Variants in CCSER1 observed in about 807,000 individuals in gnomAD.
CCSER1 encodes the protein serine-rich coiled-coil domain-containing protein 1.
A neutral mutation model predicts 82.0 loss-of-function variants in CCSER1; 41 were observed. That is an observed-to-expected ratio of 0.50 (90% CI 0.39 to 0.65). The LOEUF is 0.65. CCSER1 is among the 30% of genes least tolerant of loss of function. The pLI is 0.00. For missense variants in CCSER1, 1,119 were observed against 1,064.2 expected, an observed-to-expected ratio of 1.05 and a Z score of -0.72; for synonymous variants, 414 against 383.9, an observed-to-expected ratio of 1.08 and a Z score of -0.92.
intron 6 of CCSER1, among the ~76,000 whole-genome samples, chr4:90,659,768 T>C (rs2149088988): frequency 6.6e-6 from 1 of 152,244 alleles, no homozygotes; most frequent in South Asian, 2.1e-4. Flanking sequence ...ATATATAATA[T>C]TAACTATTTA....
intron 10 of CCSER1, among the ~76,000 whole-genome samples, chr4:91,351,605 C>T (rs1307037115): frequency 1.3e-5 from 2 of 152,082 alleles, no homozygotes; most frequent in East Asian, 3.9e-4. Context: ...TTTATTAAAT[C>T]ATTTAAGAAT....
intron 8 of CCSER1, among the ~76,000 whole-genome samples, chr4:90,827,611 A>AT (rs1760631022): frequency 6.6e-6 from 1 of 152,184 alleles, no homozygotes; most frequent in Non-Finnish European, 1.5e-5. Context: ...ATCATGTCCT[A>AT]TTTCATGGAC....
intron 5 of CCSER1, 143 bp from the exon 6 acceptor site, chr4:90,627,882 T>C (rs775038654): frequency 3.9e-5 from 25 of 645,790 alleles, no homozygotes; most frequent in Non-Finnish European, 6.1e-5. Flanking sequence ...TCTCAAAAAA[T>C]AAATAAATAA....
rs544340071 is a variant in CCSER1, at chr4:91,443,198, T to C, written c.2218-155374T>C. ...CATATGTTTATTGCGGCACTATTCA[T>C]AATAGCAAAGACTTGGAACCAACCC... On this transcript the variant is annotated intron_variant, in intron 10 of 10. Coordinates refer to ENST00000509176, the MANE Select transcript of CCSER1 (RefSeq NM_001145065.2). 2.8e-3 allele frequency among the ~76,000 whole-genome samples: 420 copies of C among 151,286 alleles called. 2 individuals are homozygous for C. Among genetic ancestry groups the C allele is most frequent in the African/African-American group, 9.8e-3 (403 of 41,258 alleles).
chr4:90,954,868 C>A (rs2150361322), intron 9 of CCSER1, among the ~76,000 whole-genome samples: 1 of 152,114 alleles, frequency 6.6e-6, no homozygotes, highest in South Asian at 2.1e-4. Flanking sequence ...TCATACATAC[C>A]CACTTAGCTA....
intron 10 of CCSER1, among the ~76,000 whole-genome samples, chr4:91,416,784 A>G (rs1412458558): frequency 6.6e-6 from 1 of 152,236 alleles, no homozygotes; most frequent in Admixed American, 6.5e-5. Context: ...CATTCAGGAC[A>G]TAGGCACTGG....
At chr4:91,035,137 A>G (rs1199510740) in intron 9 of CCSER1, among the ~76,000 whole-genome samples, 3 of 152,194 alleles carry the variant, frequency 2.0e-5, no homozygotes, top group African/African-American at 7.2e-5. Context: ...AAGTGAGATA[A>G]AATAAGAATT....
At chr4:91,332,583 G>A (rs1026234693) in intron 10 of CCSER1, among the ~76,000 whole-genome samples, 1 of 151,190 alleles carries the variant, frequency 6.6e-6, no homozygotes, top group South Asian at 2.1e-4. Context: ...TAAAAAAAAA[G>A]GGCCATTTAA....
chr4:90,743,591 A>G (rs1003654230), intron 7 of CCSER1, among the ~76,000 whole-genome samples: 9 of 152,208 alleles, frequency 5.9e-5, no homozygotes, highest in Non-Finnish European at 1.0e-4. Context: ...TATTAAGAAT[A>G]AAGGTTTATT....
chr4:90,726,015 A>T, intron 7 of CCSER1, among the ~76,000 whole-genome samples: 1 of 151,964 alleles, frequency 6.6e-6, no homozygotes, highest in East Asian at 1.9e-4. Flanking sequence ...CAGTGATTTC[A>T]GCACTCAACC....
intron 1 of CCSER1, among the ~76,000 whole-genome samples, chr4:90,231,658 A>G (rs985651162): frequency 1.5e-4 from 23 of 151,460 alleles, no homozygotes; most frequent in Admixed American, 4.6e-4. Flanking sequence ...AGGGTATTCA[A>G]TTAGGAAAAG....
At chr4:90,399,371 G>T (rs144810686) in intron 3 of CCSER1, among the ~76,000 whole-genome samples, 1,543 of 151,964 alleles carry the variant, frequency 0.01, 16 homozygotes, top group South Asian at 0.03. Flanking sequence ...AATTTTAATC[G>T]AATTAATATA....
chr4:90,517,297 A>G (rs1475517419), intron 5 of CCSER1, among the ~76,000 whole-genome samples: 1 of 152,166 alleles, frequency 6.6e-6, no homozygotes, highest in Non-Finnish European at 1.5e-5. Context: ...TTATATAGAA[A>G]AATCTTAAGT....
intron 5 of CCSER1, among the ~76,000 whole-genome samples, chr4:90,621,559 T>C (rs1199936917): frequency 1.3e-5 from 2 of 152,130 alleles, no homozygotes; most frequent in African/African-American, 2.4e-5. Flanking sequence ...CTTGAACATA[T>C]TTATAATGCT....
chr4:90,293,883 A>G (rs1413968990), intron 1 of CCSER1, among the ~76,000 whole-genome samples: 1 of 151,918 alleles, frequency 6.6e-6, no homozygotes, highest in Non-Finnish European at 1.5e-5. Flanking sequence ...ATAATGCTAC[A>G]TACTTCTAAA....
intron 6 of CCSER1, among the ~76,000 whole-genome samples, chr4:90,685,071 A>T (rs1039529612): frequency 6.6e-6 from 1 of 152,164 alleles, no homozygotes; most frequent in Non-Finnish European, 1.5e-5. Context: ...TCTACTATAT[A>T]GCATAGGATG....
intron 3 of CCSER1, among the ~76,000 whole-genome samples, chr4:90,335,199 A>G (rs2153500499): frequency 6.6e-6 from 1 of 152,342 alleles, no homozygotes; most frequent in South Asian, 2.1e-4. Context: ...AGCTGATTGC[A>G]AGATTATTTT....
At chr4:91,157,881 A>G (rs1730973113) in intron 10 of CCSER1, among the ~76,000 whole-genome samples, 1 of 152,012 alleles carries the variant, frequency 6.6e-6, no homozygotes, top group Non-Finnish European at 1.5e-5. Context: ...GAATAGGCAA[A>G]GGAGATCTCC....
In CCSER1 at chr4:90,299,059, G is replaced by A. The variant is rs530056325; in HGVS notation, c.-41-9185G>A. 1.3e-3 allele frequency among the ~76,000 whole-genome samples: 199 copies of A among 149,498 alleles called. 2 individuals carry two copies. The highest frequency in any genetic ancestry group is 1.7e-3 in the Non-Finnish European group (115 of 67,444). On this transcript the variant is annotated intron_variant, in intron 1 of 10. Coordinates refer to ENST00000509176, the MANE Select transcript of CCSER1 (RefSeq NM_001145065.2). ...GTATCTGGCTGAGTATCAAGATTAC[G>A]TATATAAATGTGTAACTTATGTCTT...
Sources: gnomAD v4.1 joint callset for allele counts (sites outside exome capture counted in the v4.1 genomes callset) on GRCh38, gnomAD v4.1.1 for gene constraint, MANE v1.5 for transcripts, NCBI Gene and HGNC (gene_info 2026-07-23, HGNC 2026-07-21) for gene names.